TLN1: variants seen among roughly 807,000 people sequenced by gnomAD.
TLN1 encodes the protein talin 1, also known as talin-1.
Under a neutral mutation model 292.3 loss-of-function variants are expected in TLN1, and 56 were observed. The ratio of observed to expected loss-of-function variants is 0.19; its 90% CI spans 0.15 to 0.24. The LOEUF (loss-of-function observed/expected upper bound fraction) is 0.24. TLN1 is among the 10% of genes least tolerant of loss of function. TLN1 has a pLI of 1.00. For missense variants in TLN1, 2,433 were observed against 3,248.2 expected, an observed-to-expected ratio of 0.75 and a Z score of 6.10; for synonymous variants, 1,119 against 1,253.7, an observed-to-expected ratio of 0.89 and a Z score of 2.27.
At chr9:35,718,500 T>A (rs1016007667) in intron 17 of TLN1, among the ~76,000 whole-genome samples, 16 of 151,814 alleles carry the variant, frequency 1.1e-4, no homozygotes, top group Non-Finnish European at 2.1e-4. Context: ...CAGGGTGGCA[T>A]GGTCTATAGC....
At position 35,703,603 on chromosome 9, in the gene TLN1, C is replaced by T. The variant is rs775836359; in HGVS notation, c.6431G>A (p.Arg2144Gln). Residue 2144 changes from arginine to glutamine, a missense_variant, in exon 48 of 57, where the codon CGG becomes CAG. This residue lies in a region of TLN1 where 1,384 missense variants were observed against 1,699.6 expected (regional missense o/e 0.81). Transcript: ENST00000314888. ...GTGTTCTGTGGTTGCCTCCAGGGCC[C>T]GAGTGCCTTTGGTGGCCTCATCTTC... ...AVEDEATKGT[R>Q]ALEATTEHIR... 4 of 1,614,040 alleles carry T rather than the reference C, an allele frequency of 2.5e-6. No individual in the cohort carries two copies. The highest frequency in any genetic ancestry group is 1.7e-5 in the Admixed American group (1 of 60,000).
intron 8 of TLN1, 29 bp downstream of exon 8, chr9:35,722,832 C>T (rs1390894768): frequency 3.1e-6 from 5 of 1,611,526 alleles, no homozygotes; most frequent in Admixed American, 1.7e-5. Flanking sequence ...CCGCGGTCAT[C>T]CCAAATACTT....
chr9:35,719,926 G>A lies in TLN1; in HGVS notation c.1465-73C>T, dbSNP rs893509052. ...AAAGAGAAGGTAAAAGAGAACCAGG[G>A]TCTAGGGAGAGAATACAAATAGGGA... is the stretch of plus-strand genomic sequence containing the variant. On this transcript the variant is annotated intron_variant, in intron 13 of 56. Transcript: ENST00000314888. This position sits in a 1 kb window ranked among gnomAD's most constrained non-coding sequence, Gnocchi z 4.6. The A allele has an allele frequency of 4.1e-5, 64 of 1,576,678 alleles. 1 individual carries two copies. In the South Asian group the frequency reaches 6.8e-4, roughly 17 times the overall value.
At position 35,717,740 on chromosome 9, in the gene TLN1, G is replaced by A; in HGVS notation, c.2042C>T (p.Ala681Val). 1.9e-6 allele frequency: 3 copies of A among 1,611,464 alleles called. No individual in the cohort carries two copies. Among genetic ancestry groups the A allele is most frequent in the Non-Finnish European group, 2.5e-6 (3 of 1,178,068 alleles). ...CACACTCTTGGCCTTGAGGACCAGG[G>A]CAGCTGCAGCACTTGCCACAGCTTT... ...LAKAVASAAA[A>V]LVLKAKSVAQ... is the part of the protein sequence containing the mutation. The change falls in exon 18 of 57, where the codon GCC (alanine) becomes GTC (valine). Residue 681 changes from alanine (A) to valine (V), a missense_variant. Ala to Val is a moderately conservative substitution (Grantham distance 64, BLOSUM62 0). This residue lies in a region of TLN1 where 617 missense variants were observed against 770.6 expected (regional missense o/e 0.80). Transcript: ENST00000314888. This position sits in a 1 kb window ranked among gnomAD's most constrained non-coding sequence, Gnocchi z 4.7.
chr9:35,712,201 A>G, intron 27 of TLN1, 77 bp from the exon 28 acceptor site: 1 of 1,520,520 alleles, frequency 6.6e-7, no homozygotes, highest in Non-Finnish European at 8.9e-7. Flanking sequence ...GACATGGGAG[A>G]TGACTAGCTC....
Position 35,719,919 on chromosome 9 carries a change from A to C in TLN1, c.1465-66T>G. On this transcript the variant is annotated intron_variant, in intron 13 of 56. Transcript: ENST00000314888. This position sits in a 1 kb window ranked among gnomAD's most constrained non-coding sequence, Gnocchi z 4.6. ...TTGGAGAAAAGAGAAGGTAAAAGAGAACCAGGGTCTAGGGAGAGAATACAA... is the reference window on the plus strand; with the variant it reads ...TTGGAGAAAAGAGAAGGTAAAAGAGCACCAGGGTCTAGGGAGAGAATACAA... 2 of 1,575,640 alleles carry C rather than the reference A, an allele frequency of 1.3e-6. No individual in the cohort carries two copies. Among genetic ancestry groups the C allele is most frequent in the Non-Finnish European group, 1.7e-6 (2 of 1,157,108 alleles).
At position 35,699,860 on chromosome 9, in the gene TLN1, G is replaced by C; in HGVS notation, c.6768+114C>G. On this transcript the variant is annotated intron_variant, in intron 50 of 56. Coordinates refer to ENST00000314888, the MANE Select transcript of TLN1 (RefSeq NM_006289.4). The surrounding 1 kb of genome is among the most constrained non-coding windows in gnomAD (Gnocchi z 4.0). ...AAGGAGAACAGATTTGGGAAGTAGAGGGTGGGGTAGGGAGGAGATCTGAGC... is the reference window on the plus strand; with the variant it reads ...AAGGAGAACAGATTTGGGAAGTAGACGGTGGGGTAGGGAGGAGATCTGAGC... 1 of 1,173,822 alleles carries C rather than the reference G, an allele frequency of 8.5e-7. No homozygotes were observed. Among genetic ancestry groups the C allele is most frequent in the African/African-American group, 1.5e-5 (1 of 64,578 alleles). 72.7% of individuals were successfully genotyped at this position (1,173,822 alleles called of 1,614,324 possible).
At chr9:35,713,620 G>C (rs574733844) in intron 25 of TLN1, among the ~76,000 whole-genome samples, 1 of 152,142 alleles carries the variant, frequency 6.6e-6, no homozygotes, top group African/African-American at 2.4e-5. Flanking sequence ...GGAGGCAGAG[G>C]TTGCAGTGAG....
In TLN1 at chr9:35,719,488, T is replaced by A; in HGVS notation, c.1687+31A>T. ...TGCACACTTGCACCCCCTCTCCCCA[T>A]CACACACCCGGAAGCTAGCATCCGG... is the stretch of plus-strand genomic sequence containing the variant. On this transcript the variant is annotated intron_variant, in intron 15 of 56. Transcript: ENST00000314888. This position sits in a 1 kb window ranked among gnomAD's most constrained non-coding sequence, Gnocchi z 4.6. 1 of 1,589,982 alleles carries A rather than the reference T, an allele frequency of 6.3e-7. No individual in the cohort carries two copies. Among genetic ancestry groups the A allele is most frequent in the Non-Finnish European group, 8.6e-7 (1 of 1,158,764 alleles).
At chr9:35,725,923 T>C (rs1443934984) in intron 1 of TLN1, among the ~76,000 whole-genome samples, 196 bp from the exon 2 acceptor site, 1 of 152,200 alleles carries the variant, frequency 6.6e-6, no homozygotes, top group Non-Finnish European at 1.5e-5. Flanking sequence ...CTGACAATTT[T>C]TTTTTTTGAG....
chr9:35,713,056 GGAGA>G lies in TLN1; in HGVS notation c.3353-17_3353-14del. On this transcript the variant is annotated splice_polypyrimidine_tract_variant and intron_variant, in intron 26 of 56. Coordinates refer to ENST00000314888, the MANE Select transcript of TLN1 (RefSeq NM_006289.4). ...CGAGCTGCAATACCTTGGGAGATGA[GGAGA>G]AAGAGGGAAGGGAAGGTGCTTTCAT... 1 of 1,590,570 alleles carries G rather than the reference GGAGA, an allele frequency of 6.3e-7. No individual in the cohort carries two copies. Among genetic ancestry groups the G allele is most frequent in the Non-Finnish European group, 8.6e-7 (1 of 1,164,494 alleles).
At chr9:35,708,026 A>C in intron 34 of TLN1, 134 bp from the exon 35 acceptor site, 5 of 1,073,626 alleles carry the variant, frequency 4.7e-6, no homozygotes, top group Non-Finnish European at 6.6e-6. Context: ...AGTCACCTGA[A>C]AAGTCAAGAT....
In TLN1 at chr9:35,700,262, G is replaced by C; in HGVS notation, c.6589C>G (p.Arg2197Gly). 1 of 1,613,532 alleles carries C rather than the reference G, an allele frequency of 6.2e-7. No homozygotes were observed. Among genetic ancestry groups the C allele is most frequent in the Non-Finnish European group, 8.5e-7 (1 of 1,179,508 alleles). The change falls in exon 49 of 57, where the codon CGC becomes GGC. Residue 2197 changes from arginine to glycine, a missense_variant. Coordinates refer to ENST00000314888, the MANE Select transcript of TLN1 (RefSeq NM_006289.4). ...AKAVAAGNSCRQEDVIATANL... is the reference protein window; with the variant it reads ...AKAVAAGNSCGQEDVIATANL... ...GCTGTGGCAATGACATCTTCCTGGC[G>C]ACAGGAATTGCCAGCAGCAACGGCC...
Position 35,712,059 on chromosome 9 carries a change from C to T in TLN1, c.3627G>A (p.Val1209=). 8.7e-6 allele frequency: 14 copies of T among 1,614,102 alleles called. No homozygotes were observed. Among genetic ancestry groups the T allele is most frequent in the Non-Finnish European group, 1.2e-5 (14 of 1,180,014 alleles). ...CVSCLPGQRD[V]DNALRAVGDA... The stretch of plus-strand genomic sequence containing the variant: ...CTCCAACTGCCCTCAGGGCATTATC[C>T]ACATCGCGCTGGCCAGGTAGGCAGC... Residue 1209 remains valine (V), a synonymous_variant, in exon 28 of 57, where the codon GTG becomes GTA. Coordinates refer to ENST00000314888, the MANE Select transcript of TLN1 (RefSeq NM_006289.4).
Position 35,706,678 on chromosome 9 carries a change from C to G in TLN1, c.5088+90G>C. On this transcript the variant is annotated intron_variant, in intron 38 of 56. Transcript: ENST00000314888. This position sits in a 1 kb window ranked among gnomAD's most constrained non-coding sequence, Gnocchi z 4.2. ...TCGCACATCCCAGCCTTTGATGTCC[C>G]TAAGAAGCCACTCCTTGATCCCCCA... 1 of 1,586,374 alleles carries G rather than the reference C, an allele frequency of 6.3e-7. No homozygotes were observed.
chr9:35,705,271 A>G (rs1825544352), intron 43 of TLN1, among the ~76,000 whole-genome samples: 1 of 152,252 alleles, frequency 6.6e-6, no homozygotes, highest in Non-Finnish European at 1.5e-5. Flanking sequence ...ATGGACTGGC[A>G]GCACAACAGA....
chr9:35,715,918 G>A (rs942390901), intron 20 of TLN1, among the ~76,000 whole-genome samples: 4 of 152,064 alleles, frequency 2.6e-5, no homozygotes, highest in African/African-American at 7.3e-5. Context: ...AATAGCTAGG[G>A]GGAGGATACT....
At position 35,714,343 on chromosome 9, in the gene TLN1, C is replaced by T. The variant is rs1294607366; in HGVS notation, c.3016G>A (p.Ala1006Thr). Residue 1006 changes from alanine to threonine, a missense_variant, in exon 24 of 57, where the codon GCC becomes ACC. By Grantham distance (58) the Ala-to-Thr change is moderately conservative. Coordinates refer to ENST00000314888, the MANE Select transcript of TLN1 (RefSeq NM_006289.4). The surrounding 1 kb of genome is among the most constrained non-coding windows in gnomAD (Gnocchi z 4.6). ...TGGTCCTGAATCGTTGGCACTGAGG[C>T]CTTTGCAGCTGCCACCATCTTCCCA... is the stretch of plus-strand genomic sequence containing the variant. ...PGGKMVAAAK[A>T]SVPTIQDQAS... 6 of 1,612,828 alleles carry T rather than the reference C, an allele frequency of 3.7e-6. No individual in the cohort carries two copies. Among genetic ancestry groups the T allele is most frequent in the Non-Finnish European group, 8.5e-7 (1 of 1,179,224 alleles).
At chr9:35,697,980 G>C (rs945710406) in intron 56 of TLN1, 64 bp from the exon 57 acceptor site, 7 of 1,613,750 alleles carry the variant, frequency 4.3e-6, no homozygotes, top group Admixed American at 1.7e-5. Flanking sequence ...GGGTAGTTGG[G>C]ACCAGCGCAG....
Sources: allele counts gnomAD v4.1 joint callset (sites outside exome capture counted in the v4.1 genomes callset), GRCh38; gene constraint gnomAD v4.1.1; regional missense constraint gnomAD v4.1.1; non-coding constraint Gnocchi (gnomAD v3.1); transcripts MANE v1.5; gene names NCBI Gene and HGNC (gene_info 2026-07-23, HGNC 2026-07-21).